The following HIPK3 variants were observed in gnomAD, a reference collection of about 807,000 sequenced individuals.
HIPK3 encodes homeodomain interacting protein kinase 3.
A neutral mutation model predicts 124.2 loss-of-function variants in HIPK3; 47 were observed. The ratio of observed to expected loss-of-function variants is 0.38; its 90% confidence interval spans 0.30 to 0.48. The LOEUF (loss-of-function observed/expected upper bound fraction) is 0.48, where lower values mean the gene tolerates loss of function less well. HIPK3 is among the 20% of genes least tolerant of loss of function. The pLI is 0.98. For missense variants in HIPK3, 1,286 were observed against 1,454.3 expected (o/e 0.88, Z 1.88); for synonymous variants, 482 against 515.2 (o/e 0.94, Z 0.87).
chr11:33,258,760 G>C (rs2133855875), intron 1 of HIPK3: 1 of 979,220 alleles, frequency 1.0e-6, no homozygotes, highest in East Asian at 1.1e-4. Context: ...TGAAGAGTGT[G>C]TGCGTAAATT....
chr11:33,353,865 A>G lies in HIPK3; in HGVS notation c.*297A>G, dbSNP rs1324439971. On this transcript the variant is annotated 3_prime_UTR_variant, in exon 17 of 17. Coordinates refer to ENST00000303296, the MANE Select transcript of HIPK3 (RefSeq NM_005734.5). ...AATTGCCTTCTAACTAGTGCAAGAC[A>G]CGTCTACATTTGGGAAGCCATTCTG... The G allele has an allele frequency of 2.9e-6, 1 of 342,956 alleles. No homozygotes were observed. 21.2% of individuals were successfully genotyped at this position (342,956 alleles called of 1,614,324 possible).
chr11:33,331,757 C>T (rs1852992470), intron 3 of HIPK3, among the ~76,000 whole-genome samples: 1 of 152,148 alleles, frequency 6.6e-6, no homozygotes. Context: ...CTAATTAATG[C>T]TTACTGAGCT....
intron 2 of HIPK3, among the ~76,000 whole-genome samples, chr11:33,312,610 T>G (rs1346055972): frequency 6.6e-6 from 1 of 152,224 alleles, no homozygotes; most frequent in Non-Finnish European, 1.5e-5. Context: ...ATCTTTCCAG[T>G]CTTCTTAACA....
chr11:33,311,910 TACACAC>T lies in HIPK3; in HGVS notation c.1098-16579_1098-16574del, dbSNP rs71034671. ...GGGCAACATAGCAAGACCCTGTTTC[TACACAC>T]ACACACACACACACACACACTACAC... On this transcript the variant is annotated intron_variant, in intron 2 of 16. Coordinates refer to ENST00000303296, the MANE Select transcript of HIPK3 (RefSeq NM_005734.5). Among the ~76,000 whole-genome samples the T allele has an allele frequency of 2.4e-3, 269 of 114,374 alleles. 3 individuals carry two copies. Among genetic ancestry groups the T allele is most frequent in the African/African-American group, 5.0e-3 (147 of 29,242 alleles). The allele number at this position is 114,374 out of a possible 152,430, so 75.0% of individuals were successfully genotyped here. A position where few individuals can be genotyped will look rare whatever the true frequency, so the allele number is the denominator to read the frequency against.
chr11:33,352,300 G>A lies in HIPK3; in HGVS notation c.3171+35G>A, dbSNP rs376850357. ...TTTGTGGATATGTAGGAGTCTGTGG[G>A]ATTCAAATTTAGCAGTTGTTTTTCA... On this transcript the variant is annotated intron_variant, in intron 16 of 16. Transcript: ENST00000303296. 1.1e-5 allele frequency: 18 copies of A among 1,603,434 alleles called. No homozygotes were observed. In the African/African-American group the frequency reaches 1.7e-4, roughly 16 times the overall value.
intron 7 of HIPK3, 35 bp downstream of exon 7, chr11:33,341,162 T>C (rs1853321776): frequency 3.4e-6 from 5 of 1,458,758 alleles, no homozygotes; most frequent in Non-Finnish European, 4.6e-6. Context: ...CTTAGGGTCT[T>C]TTTTTAATGA....
At chr11:33,259,644 G>T (rs1850771521) in intron 1 of HIPK3, among the ~76,000 whole-genome samples, 1 of 151,826 alleles carries the variant, frequency 6.6e-6, no homozygotes, top group African/African-American at 2.4e-5. Context: ...GAACTATAAT[G>T]CTTAACCTGT....
In HIPK3 at chr11:33,277,861, A is replaced by C. The variant is rs1324889473; in HGVS notation, c.-2-8552A>C. Among the ~76,000 whole-genome samples the C allele has an allele frequency of 6.6e-5, 10 of 152,338 alleles. No homozygotes were observed. The East Asian group carries it at 1.9e-3, about 29-fold the overall frequency. ...AGTTTGGTGGCTATAAAATGGCATA[A>C]AATAAGACTTGGCTTGTATTTCCTG... On this transcript the variant is annotated intron_variant, in intron 1 of 16. Transcript: ENST00000303296.
At chr11:33,330,490 G>A (rs1184744266) in intron 3 of HIPK3, among the ~76,000 whole-genome samples, 2 of 151,994 alleles carry the variant, frequency 1.3e-5, no homozygotes, top group East Asian at 1.9e-4. Context: ...CACCATGCCC[G>A]GCCAATTTTT....
chr11:33,327,970 C>T (rs774332479), intron 2 of HIPK3, among the ~76,000 whole-genome samples: 11 of 152,138 alleles, frequency 7.2e-5, no homozygotes, highest in Non-Finnish European at 1.3e-4. Context: ...TACTTGTCTG[C>T]CTTTTAAGAC....
At chr11:33,283,114 C>CTTT (rs776190216) in intron 1 of HIPK3, among the ~76,000 whole-genome samples, 3 of 143,112 alleles carry the variant, frequency 2.1e-5, no homozygotes, top group Middle Eastern at 7.4e-3. Context: ...TCCAGAATTT[C>CTTT]TTTTTTTTTT....
At chr11:33,300,044 A>T (rs961109202) in intron 2 of HIPK3, among the ~76,000 whole-genome samples, 1 of 126,850 alleles carries the variant, frequency 7.9e-6, no homozygotes, top group Non-Finnish European at 1.7e-5. Context: ...AAAAAAAAAA[A>T]GAAAGAAAGA....
intron 3 of HIPK3, among the ~76,000 whole-genome samples, chr11:33,333,236 T>C (rs1252837706): frequency 6.6e-6 from 1 of 152,168 alleles, no homozygotes; most frequent in Non-Finnish European, 1.5e-5. Flanking sequence ...TGAAGGTGCT[T>C]TTCAAAGTAA....
intron 4 of HIPK3, among the ~76,000 whole-genome samples, chr11:33,338,004 A>G (rs1407186753): frequency 2.0e-5 from 3 of 152,116 alleles, no homozygotes; most frequent in Non-Finnish European, 4.4e-5. Flanking sequence ...GCCCTCTTGG[A>G]ATAACTTCAC....
intron 1 of HIPK3, among the ~76,000 whole-genome samples, chr11:33,266,636 A>C (rs1007733862): frequency 6.6e-6 from 1 of 152,154 alleles, no homozygotes; most frequent in African/African-American, 2.4e-5. Flanking sequence ...GAGCCCAGGG[A>C]GGTCGATGCT....
chr11:33,346,913 G>C (rs552259706), intron 8 of HIPK3, among the ~76,000 whole-genome samples: 22 of 152,192 alleles, frequency 1.4e-4, no homozygotes, highest in Non-Finnish European at 3.1e-4. Context: ...TCAGGGCTGG[G>C]TGTGGTGGCT....
At chr11:33,327,687 G>A (rs1464981556) in intron 2 of HIPK3, among the ~76,000 whole-genome samples, 1 of 152,166 alleles carries the variant, frequency 6.6e-6, no homozygotes, top group African/African-American at 2.4e-5. Flanking sequence ...GAAAAAATAT[G>A]TACTGTTCTT....
chr11:33,348,959 G>T, intron 13 of HIPK3, 141 bp downstream of exon 13: 1 of 913,940 alleles, frequency 1.1e-6, no homozygotes, highest in Non-Finnish European at 1.6e-6. Flanking sequence ...GTTCTAGACA[G>T]GGAACTTTCT....
upstream of HIPK3, chr11:33,257,177 G>GC (rs1165242822): frequency 2.1e-6 from 2 of 935,466 alleles, no homozygotes; most frequent in Non-Finnish European, 2.5e-6. Context: ...GGCCGCACGG[G>GC]CTGGCAGGCG....
Sources: gnomAD v4.1 joint callset for allele counts (sites outside exome capture counted in the v4.1 genomes callset) on GRCh38, gnomAD v4.1.1 for gene constraint, MANE v1.5 for transcripts, NCBI Gene and HGNC (gene_info 2026-07-23, HGNC 2026-07-21) for gene names.